Variants in TNFSF11 observed in about 807,000 individuals in gnomAD.
TNFSF11 encodes the protein tumor necrosis factor ligand superfamily member 11.
TNFSF11 carries 12 observed loss-of-function variants against 32.2 expected under a neutral mutation model. That is an observed-to-expected ratio of 0.37 (90% confidence interval 0.24 to 0.60). The LOEUF is 0.60. Among genes scored for constraint, TNFSF11 ranks in the 20% least tolerant of loss-of-function variants. The pLI is 0.66. For synonymous variants in TNFSF11, 172 were observed against 152.1 expected, an observed-to-expected ratio of 1.13 and a Z score of -0.96; for missense variants, 345 against 398.0, an observed-to-expected ratio of 0.87 and a Z score of 1.13.
intron 4 of TNFSF11, among the ~76,000 whole-genome samples, chr13:42,603,335 G>C (rs1401606299): frequency 6.6e-6 from 1 of 152,138 alleles, no homozygotes; most frequent in Non-Finnish European, 1.5e-5. Context: ...TTAGCAGCAG[G>C]GACTGAAGTG....
rs376036184 is a variant in TNFSF11, at chr13:42,603,731, T to C, written c.532+2750T>C. Among the ~76,000 whole-genome samples, 6 of 152,324 alleles carry C rather than the reference T, an allele frequency of 3.9e-5. No individual in the cohort carries two copies. In the South Asian group the frequency reaches 8.3e-4, roughly 21 times the overall value. On this transcript the variant is annotated intron_variant, in intron 4 of 4. Transcript: ENST00000398795. ...GTTGCTTGTAACTGAATGTCAACCA[T>C]GTGCTATGCAACATGCAGAAGTGAA...
chr13:42,570,172 T>G (rs1873012819), upstream of TNFSF11, among the ~76,000 whole-genome samples: 1 of 152,190 alleles, frequency 6.6e-6, no homozygotes, highest in Non-Finnish European at 1.5e-5. Flanking sequence ...CTATAGTATT[T>G]GTACCTGCCC....
chr13:42,582,791 T>A (rs1166767097), intron 2 of TNFSF11, among the ~76,000 whole-genome samples: 1 of 152,256 alleles, frequency 6.6e-6, no homozygotes, highest in African/African-American at 2.4e-5. Context: ...TTGTTCTGTT[T>A]TATATTTCAT....
At chr13:42,584,433 A>C in intron 2 of TNFSF11, among the ~76,000 whole-genome samples, 1 of 152,222 alleles carries the variant, frequency 6.6e-6, no homozygotes, top group African/African-American at 2.4e-5. Context: ...CACTGGCAGT[A>C]GTGTCCCTTA....
At chr13:42,566,674 C>T (rs1387370086) in exon 2 of TNFSF11, 1 of 152,194 alleles carries the variant, frequency 6.6e-6, no homozygotes, top group Non-Finnish European at 1.5e-5. Context: ...AGATCTAGAT[C>T]AAATGAAGGA....
chr13:42,606,921 C>T lies in TNFSF11; in HGVS notation c.*3C>T, dbSNP rs750095998. 1.2e-6 allele frequency: 2 copies of T among 1,614,016 alleles called. No individual in the cohort carries two copies. Among genetic ancestry groups the T allele is most frequent in the African/African-American group, 2.7e-5 (2 of 74,992 alleles). On this transcript the variant is annotated 3_prime_UTR_variant, in exon 5 of 5. Coordinates refer to ENST00000398795, the MANE Select transcript of TNFSF11 (RefSeq NM_003701.4). ...TTAAAGTTCGAGATATAGATTGAGCCCCAGTTTTTGGAGTGTTATGTATTT... is the reference window on the plus strand; with the variant it reads ...TTAAAGTTCGAGATATAGATTGAGCTCCAGTTTTTGGAGTGTTATGTATTT...
chr13:42,569,405 G>A (rs771458287), upstream of TNFSF11, among the ~76,000 whole-genome samples: 87 of 152,068 alleles, frequency 5.7e-4, no homozygotes, highest in Non-Finnish European at 7.8e-4. Context: ...AAAATTAGCC[G>A]GGCATGGTGG....
chr13:42,599,505 G>C (rs17063483), intron 2 of TNFSF11, among the ~76,000 whole-genome samples: 1,670 of 152,168 alleles, frequency 0.011, 40 homozygotes, highest in African/African-American at 0.038. Flanking sequence ...GGGGAAATTA[G>C]GAATCTCTCC....
chr13:42,562,757 G>T (rs199782640), exon 1 of TNFSF11: 1 of 152,198 alleles, frequency 6.6e-6, no homozygotes, highest in Non-Finnish European at 1.5e-5. Flanking sequence ...TGGTGTGGCC[G>T]AAGCTGCCTC....
chr13:42,599,521 G>C (rs747627418), intron 2 of TNFSF11, among the ~76,000 whole-genome samples: 136 of 152,020 alleles, frequency 8.9e-4, no homozygotes, highest in Admixed American at 1.8e-3. Context: ...TCTCCAGAGT[G>C]GTTTTTTTTC....
chr13:42,576,210 C>T (rs1051667623), intron 1 of TNFSF11, among the ~76,000 whole-genome samples: 2 of 152,166 alleles, frequency 1.3e-5, no homozygotes, highest in Admixed American at 6.5e-5. Context: ...CAATGTTGAA[C>T]GAGCAGTAGG....
chr13:42,580,195 A>C (rs1411461242), intron 1 of TNFSF11, among the ~76,000 whole-genome samples: 1 of 152,272 alleles, frequency 6.6e-6, no homozygotes, highest in Non-Finnish European at 1.5e-5. Flanking sequence ...TTATTAAAAC[A>C]GATGATAGCT....
At chr13:42,591,261 G>T (rs1868456954) in intron 2 of TNFSF11, among the ~76,000 whole-genome samples, 1 of 152,154 alleles carries the variant, frequency 6.6e-6, no homozygotes, top group South Asian at 2.1e-4. Context: ...ATAGGGATCA[G>T]AATGTTAAGT....
At chr13:42,578,385 C>T (rs1048735881) in intron 1 of TNFSF11, among the ~76,000 whole-genome samples, 6 of 152,178 alleles carry the variant, frequency 3.9e-5, no homozygotes, top group Admixed American at 1.3e-4. Context: ...GTGTGGCTGG[C>T]CTTGCACCCT....
In TNFSF11 at chr13:42,564,423, C is replaced by T. The variant is rs549763550; in HGVS notation, c.-302+1460C>T. Among the ~76,000 whole-genome samples the T allele has an allele frequency of 1.8e-3, 272 of 152,190 alleles. 1 individual carries two copies. The highest frequency in any genetic ancestry group is 6.1e-3 in the African/African-American group (252 of 41,524). ...TCTCTACTAAAAACACAAAATTAGC[C>T]GGGCGTGGTGGCACATGACTGCAAT... On this transcript the variant is annotated intron_variant, in intron 1 of 6. Transcript: ENST00000358545.
chr13:42,566,607 T>A (rs906774219), intron 1 of TNFSF11: 2 of 152,354 alleles, frequency 1.3e-5, no homozygotes, highest in African/African-American at 4.8e-5. Context: ...ATTTTGGACT[T>A]TAAAATCCAA....
At chr13:42,563,000 A>G (rs200991610) in intron 1 of TNFSF11, 1 of 152,218 alleles carries the variant, frequency 6.6e-6, no homozygotes. Flanking sequence ...GAGAACTGTA[A>G]ACAGTCAGCT....
At chr13:42,569,850 A>G (rs1465080483), upstream of TNFSF11, among the ~76,000 whole-genome samples, 4 of 152,202 alleles carry the variant, frequency 2.6e-5, no homozygotes, top group East Asian at 7.7e-4. Flanking sequence ...TGCAGGACTG[A>G]ATGTGACTCT....
At chr13:42,600,689 A>G in intron 2 of TNFSF11, 63 bp from the exon 3 acceptor site, 1 of 1,521,038 alleles carries the variant, frequency 6.6e-7, no homozygotes, top group Non-Finnish European at 8.9e-7. Context: ...ACAGCCCTGA[A>G]TTCTTATTGC....
Sources: gnomAD v4.1 joint callset for allele counts (sites outside exome capture counted in the v4.1 genomes callset) on GRCh38, gnomAD v4.1.1 for gene constraint, MANE v1.5 for transcripts, NCBI Gene and HGNC (gene_info 2026-07-23, HGNC 2026-07-21) for gene names.